The following NLGN1 variants were observed in gnomAD, a reference collection of about 807,000 sequenced individuals.
NLGN1 encodes neuroligin-1.
NLGN1 carries 12 observed loss-of-function variants against 65.5 expected under a neutral mutation model. That is an observed-to-expected ratio of 0.18 (90% CI 0.12 to 0.30). NLGN1 has a LOEUF of 0.30. Ranked by LOEUF, NLGN1 falls within the 10% of genes least tolerant of loss-of-function variation. The probability of loss-of-function intolerance (pLI) is 1.00; values close to 1 mark genes in which losing one functional copy is unlikely to be tolerated. For synonymous variants in NLGN1, 350 were observed against 359.5 expected (o/e 0.97, Z 0.30); for missense variants, 750 against 1,007.1 (o/e 0.74, Z 3.46).
chr3:173,767,708 C>T (rs908054941), intron 3 of NLGN1, among the ~76,000 whole-genome samples: 3 of 151,878 alleles, frequency 2.0e-5, no homozygotes, highest in African/African-American at 4.8e-5. Context: ...AACAATGACC[C>T]ATTCAATTTG....
chr3:173,508,856 G>A (rs1377987859), intron 2 of NLGN1, among the ~76,000 whole-genome samples: 3 of 152,088 alleles, frequency 2.0e-5, no homozygotes, highest in South Asian at 2.1e-4. Flanking sequence ...TAGTAGGGTC[G>A]AGCCCAGCCC....
chr3:173,428,794 A>G (rs1238222009), intron 1 of NLGN1, among the ~76,000 whole-genome samples: 1 of 151,882 alleles, frequency 6.6e-6, no homozygotes, highest in African/African-American at 2.4e-5. Flanking sequence ...TTTCATATTG[A>G]ATAACTCCCT....
intron 3 of NLGN1, among the ~76,000 whole-genome samples, chr3:173,722,198 C>T (rs993686566): frequency 6.7e-6 from 1 of 150,148 alleles, no homozygotes; most frequent in African/African-American, 2.4e-5. Context: ...TTGTGTAAGT[C>T]ATTAACTTGT....
intron 4 of NLGN1, among the ~76,000 whole-genome samples, chr3:174,257,781 A>T (rs2152853207): frequency 6.6e-6 from 1 of 151,556 alleles, no homozygotes; most frequent in African/African-American, 2.4e-5. Context: ...ATTTTTAAAT[A>T]ATTTTCATAT....
At chr3:174,102,986 C>A (rs1229504902) in intron 4 of NLGN1, among the ~76,000 whole-genome samples, 2 of 152,150 alleles carry the variant, frequency 1.3e-5, no homozygotes, top group Admixed American at 1.3e-4. Flanking sequence ...GGCACACTGA[C>A]AGACAATTAA....
intron 2 of NLGN1, among the ~76,000 whole-genome samples, chr3:173,451,322 G>A (rs1206579213): frequency 6.6e-6 from 1 of 152,188 alleles, no homozygotes; most frequent in Non-Finnish European, 1.5e-5. Context: ...TACTGGAGGT[G>A]CACTCCAGAC....
rs549831455 is a variant in NLGN1 at position 173,892,102 on chromosome 3, A to G, written c.646+84270A>G. 1.2e-3 allele frequency among the ~76,000 whole-genome samples: 184 copies of G among 152,030 alleles called. 1 individual carries two copies. The highest frequency in any genetic ancestry group is 4.2e-3 in the African/African-American group (176 of 41,498). On this transcript the variant is annotated intron_variant, in intron 4 of 6. Transcript: ENST00000457714. ...TCCTGATGCGTGAGAGAAGTCATCTATCTTTACAAGCATTTACTCCTGTTA... is the reference window on the plus strand; with the variant it reads ...TCCTGATGCGTGAGAGAAGTCATCTGTCTTTACAAGCATTTACTCCTGTTA...
chr3:173,528,159 A>C (rs915839538), intron 2 of NLGN1, among the ~76,000 whole-genome samples: 2 of 152,162 alleles, frequency 1.3e-5, no homozygotes, highest in Non-Finnish European at 2.9e-5. Flanking sequence ...AGTGGTGATG[A>C]ATTCTCTTAG....
intron 4 of NLGN1, among the ~76,000 whole-genome samples, chr3:174,259,873 C>T (rs1268464): frequency 0.11 from 15,589 of 141,032 alleles, 953 homozygotes; most frequent in Non-Finnish European, 0.14. Context: ...TGTAATATTC[C>T]CCTTCCTGTG....
At chr3:174,189,836 T>C (rs182398600) in intron 4 of NLGN1, among the ~76,000 whole-genome samples, 89 of 152,130 alleles carry the variant, frequency 5.9e-4, no homozygotes, top group Admixed American at 3.3e-3. Context: ...TAAAAATTGA[T>C]GTTGCAAAAC....
chr3:173,537,013 C>T (rs979625615), intron 2 of NLGN1, among the ~76,000 whole-genome samples: 1 of 152,156 alleles, frequency 6.6e-6, no homozygotes, highest in Non-Finnish European at 1.5e-5. Flanking sequence ...AGTGACTTCT[C>T]CCTTACTCAA....
intron 2 of NLGN1, among the ~76,000 whole-genome samples, chr3:173,525,801 A>G (rs917331074): frequency 2.0e-5 from 3 of 151,832 alleles, no homozygotes; most frequent in African/African-American, 7.3e-5. Flanking sequence ...TTGTGTCTCT[A>G]TTTTCATTCA....
intron 3 of NLGN1, among the ~76,000 whole-genome samples, chr3:173,701,762 C>G (rs1767201971): frequency 6.6e-6 from 1 of 152,048 alleles, no homozygotes; most frequent in Non-Finnish European, 1.5e-5. Flanking sequence ...ATAATACAAG[C>G]CCATTGCCCT....
At chr3:173,446,652 C>A (rs561811161) in intron 2 of NLGN1, among the ~76,000 whole-genome samples, 4 of 152,296 alleles carry the variant, frequency 2.6e-5, no homozygotes, top group African/African-American at 9.6e-5. Context: ...CCAACTTCCA[C>A]AATGGTTGAA....
In NLGN1 at chr3:173,788,459, G is replaced by A. The variant is rs75835440; in HGVS notation, c.494-19221G>A. Among the ~76,000 whole-genome samples the A allele has an allele frequency of 2.6e-3, 392 of 151,522 alleles. 4 individuals carry two copies. The highest frequency in any genetic ancestry group is 9.1e-3 in the African/African-American group (378 of 41,338). ...ATAGCAAAAATTTTTAATATTTATT[G>A]TGTCCTCAACATATACCAGACTCTA... On this transcript the variant is annotated intron_variant, in intron 3 of 6. Coordinates refer to ENST00000457714, the Ensembl canonical transcript of NLGN1.
intron 4 of NLGN1, among the ~76,000 whole-genome samples, chr3:174,028,874 G>T (rs770015385): frequency 2.6e-5 from 4 of 152,154 alleles, no homozygotes; most frequent in Admixed American, 6.5e-5. Context: ...GGTTTTGTGG[G>T]CCAGGCCCAG....
intron 4 of NLGN1, among the ~76,000 whole-genome samples, chr3:174,039,751 A>G (rs962956247): frequency 6.6e-6 from 1 of 152,126 alleles, no homozygotes; most frequent in African/African-American, 2.4e-5. Flanking sequence ...AGCGAGGTTG[A>G]GATGGACAAT....
intron 2 of NLGN1, among the ~76,000 whole-genome samples, chr3:173,577,151 A>G (rs1260625089): frequency 6.6e-6 from 1 of 152,204 alleles, no homozygotes; most frequent in Non-Finnish European, 1.5e-5. Context: ...GATTAGTTTG[A>G]GTCCTTGTAT....
chr3:173,993,497 A>ATT (rs1721569037), intron 4 of NLGN1, among the ~76,000 whole-genome samples: 1 of 152,206 alleles, frequency 6.6e-6, no homozygotes, highest in Non-Finnish European at 1.5e-5. Flanking sequence ...GTTAGGTCAG[A>ATT]TGTTAAGAAT....
Sources: allele counts gnomAD v4.1 joint callset (sites outside exome capture counted in the v4.1 genomes callset), GRCh38; gene constraint gnomAD v4.1.1; transcripts MANE v1.5; gene names NCBI Gene and HGNC (gene_info 2026-07-23, HGNC 2026-07-21).